Variants in ZNF710 observed in about 807,000 individuals in gnomAD.
ZNF710 encodes zinc finger protein 710.
A neutral mutation model predicts 50.6 loss-of-function variants in ZNF710; 13 were observed. The observed-to-expected ratio is 0.26, with a 90% CI of 0.17 to 0.41. The LOEUF (loss-of-function observed/expected upper bound fraction) is 0.41, where lower values mean the gene tolerates loss of function less well. Among genes scored for constraint, ZNF710 ranks in the 10% least tolerant of loss-of-function variants. ZNF710 has a pLI of 1.00. For missense variants in ZNF710, 721 were observed against 936.6 expected (o/e 0.77, Z 3.01); for synonymous variants, 383 against 397.0 (o/e 0.96, Z 0.42).
chr15:90,060,053 T>C (rs1449101500), intron 1 of ZNF710, among the ~76,000 whole-genome samples: 1 of 151,726 alleles, frequency 6.6e-6, no homozygotes, highest in Admixed American at 6.6e-5. Flanking sequence ...CTCTGTTGGG[T>C]CCTGAACTGC....
intron 1 of ZNF710, among the ~76,000 whole-genome samples, chr15:90,008,409 C>CGTGTGT (rs530102600): frequency 9.2e-4 from 120 of 130,384 alleles, no homozygotes; most frequent in Non-Finnish European, 1.7e-3. Flanking sequence ...ATATAGTATA[C>CGTGTGT]GTGTGTGTGT....
intron 1 of ZNF710, among the ~76,000 whole-genome samples, chr15:90,038,571 C>A (rs1218683098): frequency 6.6e-6 from 1 of 152,226 alleles, no homozygotes; most frequent in Non-Finnish European, 1.5e-5. Flanking sequence ...ATCCAATCTA[C>A]AACCCATTCA....
intron 2 of ZNF710, among the ~76,000 whole-genome samples, chr15:90,072,252 T>C (rs1469521946): frequency 1.3e-5 from 2 of 152,174 alleles, no homozygotes; most frequent in African/African-American, 2.4e-5. Flanking sequence ...CTGGAATCCA[T>C]GTCTCCTGGG....
chr15:90,032,541 G>A (rs1297601259), intron 1 of ZNF710, among the ~76,000 whole-genome samples: 1 of 151,986 alleles, frequency 6.6e-6, no homozygotes, highest in Non-Finnish European at 1.5e-5. Flanking sequence ...ACTTTGGGAG[G>A]CCTAGGCAGG....
At chr15:90,021,925 A>G (rs1898635385) in intron 1 of ZNF710, among the ~76,000 whole-genome samples, 1 of 152,214 alleles carries the variant, frequency 6.6e-6, no homozygotes, top group Non-Finnish European at 1.5e-5. Context: ...TACTAAAAAT[A>G]CAAAAATTAG....
intron 1 of ZNF710, among the ~76,000 whole-genome samples, chr15:90,011,032 G>A (rs1458136685): frequency 1.4e-5 from 2 of 146,900 alleles, no homozygotes; most frequent in Non-Finnish European, 3.0e-5. Context: ...CTGGGTTCAA[G>A]TAATTCTCCT....
chr15:90,009,053 C>T (rs192675135), intron 1 of ZNF710, among the ~76,000 whole-genome samples: 16 of 151,946 alleles, frequency 1.1e-4, no homozygotes, highest in East Asian at 9.7e-4. Context: ...GTCCACCCTC[C>T]GCATTTAAAT....
chr15:90,005,833 T>G (rs905792111), intron 1 of ZNF710, among the ~76,000 whole-genome samples: 5 of 152,180 alleles, frequency 3.3e-5, no homozygotes, highest in African/African-American at 1.2e-4. Flanking sequence ...GCTACGTGCT[T>G]TGTGTATTTG....
upstream of ZNF710, among the ~76,000 whole-genome samples, chr15:90,001,080 T>C (rs1325024099): frequency 6.6e-6 from 1 of 151,316 alleles, no homozygotes; most frequent in African/African-American, 2.4e-5. Flanking sequence ...AAAACCCTTT[T>C]AGAGAAATAA....
intron 1 of ZNF710, among the ~76,000 whole-genome samples, chr15:90,044,429 G>A (rs1249265231): frequency 6.6e-6 from 1 of 152,240 alleles, no homozygotes; most frequent in East Asian, 1.9e-4. Context: ...GGGGCTGAGT[G>A]TGAGGAAGGG....
chr15:90,022,777 A>G (rs1468991318), intron 1 of ZNF710, among the ~76,000 whole-genome samples: 1 of 152,202 alleles, frequency 6.6e-6, no homozygotes, highest in African/African-American at 2.4e-5. Flanking sequence ...GTTTACATAT[A>G]ATTTACAAAA....
chr15:90,048,536 G>A (rs1444941379), intron 1 of ZNF710, among the ~76,000 whole-genome samples: 2 of 152,202 alleles, frequency 1.3e-5, no homozygotes, highest in African/African-American at 4.8e-5. Context: ...GGGCCAGCAC[G>A]GGGCAGGGTG....
intron 1 of ZNF710, among the ~76,000 whole-genome samples, chr15:90,032,172 A>G (rs1243799134): frequency 6.6e-6 from 1 of 151,958 alleles, no homozygotes; most frequent in Non-Finnish European, 1.5e-5. Flanking sequence ...TAATTTTTGT[A>G]TTTTTAGTAG....
intron 1 of ZNF710, among the ~76,000 whole-genome samples, chr15:90,004,634 C>G (rs1596259313): frequency 6.6e-6 from 1 of 152,230 alleles, no homozygotes; most frequent in Non-Finnish European, 1.5e-5. Context: ...GAAGAAAGCT[C>G]TGTACCCAGG....
At chr15:90,079,635 G>A (rs756228334) in intron 4 of ZNF710, 25 bp from the exon 5 acceptor site, 5 of 1,606,248 alleles carry the variant, frequency 3.1e-6, no homozygotes, top group Non-Finnish European at 4.2e-6. Flanking sequence ...TGGCAGCCAG[G>A]TCTGACTGTG....
intron 3 of ZNF710, 118 bp from the exon 4 acceptor site, chr15:90,073,998 A>C: frequency 4.7e-6 from 5 of 1,055,566 alleles, no homozygotes; most frequent in Non-Finnish European, 5.0e-6. Context: ...TCAAAAAAAA[A>C]ACAAAAAAAA....
chr15:90,011,846 C>A (rs562909170), intron 1 of ZNF710, among the ~76,000 whole-genome samples: 1 of 152,158 alleles, frequency 6.6e-6, no homozygotes, highest in East Asian at 1.9e-4. Context: ...AAAACATTAG[C>A]CTGACCATTA....
At chr15:90,079,407 TCTC>T (rs1418264745) in intron 4 of ZNF710, among the ~76,000 whole-genome samples, 1 of 152,046 alleles carries the variant, frequency 6.6e-6, no homozygotes, top group Non-Finnish European at 1.5e-5. Context: ...GGCCTGCAGT[TCTC>T]CACCACAAAG....
At chr15:90,055,701 C>T (rs886642623) in intron 1 of ZNF710, among the ~76,000 whole-genome samples, 1 of 152,216 alleles carries the variant, frequency 6.6e-6, no homozygotes, top group Admixed American at 6.5e-5. Flanking sequence ...ATTCCTTGCC[C>T]CGTACAATCT....
Sources: gnomAD v4.1 joint callset for allele counts (sites outside exome capture counted in the v4.1 genomes callset) on GRCh38, gnomAD v4.1.1 for gene constraint, MANE v1.5 for transcripts, NCBI Gene and HGNC (gene_info 2026-07-23, HGNC 2026-07-21) for gene names.